KLRG2: variants seen among roughly 807,000 people sequenced by gnomAD.
KLRG2 encodes the protein killer cell lectin like receptor G2.
Under a neutral mutation model 35.4 loss-of-function variants are expected in KLRG2, and 39 were observed. The observed-to-expected ratio is 1.10, with a 90% CI of 0.85 to 1.44. KLRG2 has a LOEUF of 1.44. Ranked by LOEUF, KLRG2 falls within the 40% of genes most tolerant of loss-of-function variation. The pLI, the probability that KLRG2 is intolerant of heterozygous loss-of-function variation, is 0.00. For missense variants in KLRG2, 632 were observed against 570.9 expected (o/e 1.11, Z -1.09); for synonymous variants, 283 against 265.8 (o/e 1.06, Z -0.63).
rs569586309 is a variant in KLRG2 at position 139,469,842 on chromosome 7, C to A, written c.1005+9785G>T. On this transcript the variant is annotated intron_variant, in intron 3 of 4. Transcript: ENST00000340940. The stretch of plus-strand genomic sequence containing the variant: ...AGGGCTCCTGCTGGACCCTGAGGCC[C>A]GGCCATGCGTTCCGCACCCCTGCAT... 5.9e-5 allele frequency among the ~76,000 whole-genome samples: 9 copies of A among 152,346 alleles called. No individual in the cohort carries two copies. In the East Asian group the frequency reaches 1.7e-3, roughly 29 times the overall value.
chr7:139,457,092 A>T (rs188047769), intron 3 of KLRG2, among the ~76,000 whole-genome samples: 5 of 152,298 alleles, frequency 3.3e-5, no homozygotes, highest in Admixed American at 2.0e-4. Flanking sequence ...AAGGTTGCTA[A>T]TCTTACCCTT....
intron 3 of KLRG2, among the ~76,000 whole-genome samples, chr7:139,474,781 C>T (rs928367278): frequency 2.6e-5 from 4 of 151,974 alleles, no homozygotes; most frequent in Non-Finnish European, 4.4e-5. Context: ...ATAAATAAAA[C>T]AAAATAAAAT....
chr7:139,474,962 A>T (rs971474832), intron 3 of KLRG2, among the ~76,000 whole-genome samples: 3 of 152,170 alleles, frequency 2.0e-5, no homozygotes, highest in African/African-American at 7.2e-5. Context: ...GCTGTGGGTC[A>T]TAAGACCCTA....
chr7:139,445,781 G>GTATATATATATA, the KLRG2 span, among the ~76,000 whole-genome samples: 18 of 98,422 alleles, frequency 1.8e-4, 1 homozygote, highest in African/African-American at 5.4e-4. Context: ...ATATATATAT[G>GTATATATATATA]TATATATATA....
the KLRG2 span, among the ~76,000 whole-genome samples, chr7:139,427,543 C>T: frequency 1.3e-5 from 2 of 152,212 alleles, no homozygotes; most frequent in African/African-American, 4.8e-5. Flanking sequence ...TCACACCTGT[C>T]TCTGGATGCT....
the KLRG2 span, among the ~76,000 whole-genome samples, chr7:139,438,673 G>A: frequency 3.0e-5 from 4 of 134,580 alleles, no homozygotes; most frequent in Non-Finnish European, 6.1e-5. Flanking sequence ...GAAACATTTT[G>A]GCAATTTTTT....
the KLRG2 span, among the ~76,000 whole-genome samples, chr7:139,443,291 C>T: frequency 4.6e-5 from 7 of 151,440 alleles, no homozygotes; most frequent in Admixed American, 2.0e-4. Context: ...TCACCATGTC[C>T]GCCAGGCTGG....
chr7:139,454,283 C>T, intron 3 of KLRG2, 69 bp from the exon 4 acceptor site: 1 of 754,248 alleles, frequency 1.3e-6, no homozygotes, highest in Non-Finnish European at 2.2e-6. Flanking sequence ...GTACGGATTC[C>T]CTGGGGCTTC....
the KLRG2 span, among the ~76,000 whole-genome samples, chr7:139,445,790 T>TATATATATATATATATATAC: frequency 3.2e-5 from 4 of 125,474 alleles, no homozygotes; most frequent in African/African-American, 2.0e-4. Context: ...TGTATATATA[T>TATATATATATATATATATAC]ATGTGTGTAT....
chr7:139,470,305 G>C (rs1796734596), intron 3 of KLRG2, among the ~76,000 whole-genome samples: 1 of 151,782 alleles, frequency 6.6e-6, no homozygotes, highest in South Asian at 2.1e-4. Context: ...TGATCTGCCC[G>C]CCTCAGCCTC....
chr7:139,438,268 G>A, the KLRG2 span, among the ~76,000 whole-genome samples: 9 of 152,170 alleles, frequency 5.9e-5, no homozygotes, highest in Admixed American at 3.3e-4. Flanking sequence ...GTCTCACTTT[G>A]TCACCCAGAC....
rs201206372 is a variant in KLRG2, at chr7:139,456,039, C to T, written c.1006-1825G>A. Reference sequence around the variant, plus strand: ...ATGCCATGTAAAAAAAAAAAGACTACACTAGCAAGTACATATCACTCACAA... The same window carrying T: ...ATGCCATGTAAAAAAAAAAAGACTATACTAGCAAGTACATATCACTCACAA... On this transcript the variant is annotated intron_variant, in intron 3 of 4. Coordinates refer to ENST00000340940, the MANE Select transcript of KLRG2 (RefSeq NM_198508.4). 3.5e-4 allele frequency among the ~76,000 whole-genome samples: 53 copies of T among 151,816 alleles called. No individual in the cohort carries two copies. In the East Asian group the frequency reaches 6.8e-3, roughly 19 times the overall value.
chr7:139,458,112 T>A (rs1171215050), intron 3 of KLRG2, among the ~76,000 whole-genome samples: 1 of 152,176 alleles, frequency 6.6e-6, no homozygotes, highest in Non-Finnish European at 1.5e-5. Context: ...GCATGGCTGC[T>A]CACAGCTGTG....
intron 3 of KLRG2, among the ~76,000 whole-genome samples, chr7:139,465,710 AG>A (rs1435880332): frequency 4.0e-4 from 61 of 151,920 alleles, no homozygotes; most frequent in African/African-American, 1.4e-3. Flanking sequence ...AAAAAAAGAA[AG>A]AAAGAAAGGA....
In KLRG2 at chr7:139,483,260, A is replaced by C; in HGVS notation, c.383T>G (p.Val128Gly). ...GGCCGCGCCCACGGGCTTCACGCGC[A>C]CATCTACCTGCAGCTCCATGGGCGC... ...AWAPMELQVD[V>G]RVKPVGAAGG... Residue 128 changes from valine (V) to glycine (G), a missense_variant, in exon 1 of 5, where the codon GTG (valine) becomes GGG (glycine). Val to Gly is a moderately radical substitution (Grantham distance 109). Transcript: ENST00000340940. The C allele has an allele frequency of 6.4e-7, 1 of 1,557,474 alleles. No homozygotes were observed. Among genetic ancestry groups the C allele is most frequent in the South Asian group, 1.2e-5 (1 of 85,880 alleles).
downstream of KLRG2, among the ~76,000 whole-genome samples, chr7:139,450,135 C>A (rs1419665011): frequency 1.3e-5 from 2 of 151,410 alleles, no homozygotes; most frequent in Non-Finnish European, 2.9e-5. Flanking sequence ...CTCTGCCTCC[C>A]GGGTTCAAGC....
intron 1 of KLRG2, among the ~76,000 whole-genome samples, chr7:139,482,501 T>G (rs1796978156): frequency 6.6e-6 from 1 of 152,062 alleles, no homozygotes; most frequent in Non-Finnish European, 1.5e-5. Flanking sequence ...CAAGCGACTC[T>G]CCTGTCTCAG....
chr7:139,427,303 A>C, the KLRG2 span, among the ~76,000 whole-genome samples: 1 of 152,094 alleles, frequency 6.6e-6, no homozygotes, highest in Non-Finnish European at 1.5e-5. Flanking sequence ...GTAGCAGCAG[A>C]AACATTAGGG....
chr7:139,432,646 C>T, the KLRG2 span, among the ~76,000 whole-genome samples: 1 of 150,134 alleles, frequency 6.7e-6, no homozygotes, highest in South Asian at 2.1e-4. Flanking sequence ...GCCTCTGCTT[C>T]CTGGGTTCAA....
Sources: gnomAD v4.1 joint callset for allele counts (sites outside exome capture counted in the v4.1 genomes callset) on GRCh38, gnomAD v4.1.1 for gene constraint, MANE v1.5 for transcripts, NCBI Gene and HGNC (gene_info 2026-07-23, HGNC 2026-07-21) for gene names.